MPZL1: variants seen among roughly 807,000 people sequenced by gnomAD.
MPZL1 encodes myelin protein zero-like protein 1.
Under a neutral mutation model 29.3 loss-of-function variants are expected in MPZL1, and 16 were observed. The ratio of observed to expected loss-of-function variants is 0.55; its 90% CI spans 0.37 to 0.83. The LOEUF is 0.83. MPZL1 is among the 40% of genes least tolerant of loss of function. The probability of loss-of-function intolerance (pLI) is 0.00; values close to 1 mark genes in which losing one functional copy is unlikely to be tolerated. For synonymous variants in MPZL1, 143 were observed against 132.0 expected (o/e 1.08, Z -0.57); for missense variants, 279 against 332.9 (o/e 0.84, Z 1.26).
intron 1 of MPZL1, among the ~76,000 whole-genome samples, chr1:167,760,747 CTGTGTGTGTGTGTGTGTGTG>C (rs58963124): frequency 6.7e-5 from 8 of 120,192 alleles, no homozygotes; most frequent in African/African-American, 1.8e-4. Context: ...GTTGAATAGG[CTGTGTGTGTGTGTGTGTGTG>C]TGTGTGTGTG....
chr1:167,725,773 C>T (rs1248358655), intron 1 of MPZL1, among the ~76,000 whole-genome samples: 2 of 152,216 alleles, frequency 1.3e-5, no homozygotes, highest in Non-Finnish European at 2.9e-5. Flanking sequence ...GCGTGAGCCA[C>T]CACATCTGGC....
chr1:167,736,599 A>T (rs1660383410), intron 1 of MPZL1, among the ~76,000 whole-genome samples: 1 of 152,132 alleles, frequency 6.6e-6, no homozygotes, highest in Non-Finnish European at 1.5e-5. Context: ...TCTTCATCCT[A>T]GAATCCTTCC....
chr1:167,728,031 C>T (rs1660186250), intron 1 of MPZL1, among the ~76,000 whole-genome samples: 1 of 111,230 alleles, frequency 9.0e-6, no homozygotes, highest in Non-Finnish European at 2.0e-5. Flanking sequence ...CCACGCCCAA[C>T]TAATTTTTTT....
chr1:167,785,181 A>G (rs552880973), intron 5 of MPZL1, among the ~76,000 whole-genome samples: 7 of 152,316 alleles, frequency 4.6e-5, no homozygotes, highest in Non-Finnish European at 7.4e-5. Flanking sequence ...AGCTCAGCTG[A>G]TCTCTGCTGG....
chr1:167,778,583 A>G (rs1381448442), intron 5 of MPZL1, among the ~76,000 whole-genome samples: 1 of 151,830 alleles, frequency 6.6e-6, no homozygotes, highest in Admixed American at 6.6e-5. Context: ...TAAAAAAATA[A>G]TAATTTAATA....
intron 4 of MPZL1, 103 bp downstream of exon 4, chr1:167,773,471 A>G (rs1026384856): frequency 2.3e-6 from 3 of 1,320,924 alleles, no homozygotes; most frequent in South Asian, 1.6e-5. Context: ...ATTAACTACT[A>G]TTTTCTTTCA....
At chr1:167,780,790 A>G (rs1442569260) in intron 5 of MPZL1, among the ~76,000 whole-genome samples, 1 of 152,194 alleles carries the variant, frequency 6.6e-6, no homozygotes, top group African/African-American at 2.4e-5. Context: ...GGATGAAAAT[A>G]TCGTAGAGAT....
intron 1 of MPZL1, among the ~76,000 whole-genome samples, chr1:167,747,756 T>G (rs1660676022): frequency 6.6e-6 from 1 of 152,146 alleles, no homozygotes; most frequent in African/African-American, 2.4e-5. Context: ...GAAGTTTTAC[T>G]GTGATATAAT....
Position 167,765,620 on chromosome 1 carries a change from A to G in MPZL1, c.129A>G (p.Pro43=). The change falls in exon 2 of 6, where the codon CCA becomes CCG. Residue 43 remains proline, a synonymous_variant. Coordinates refer to ENST00000359523, the MANE Select transcript of MPZL1 (RefSeq NM_003953.6). ...TATCAGCCTTGGAAGTATATACGCC[A>G]AAAGAAATCTTCGTGGCAAATGGTA... ...AGVSALEVYT[P]KEIFVANGTQ... is the part of the protein sequence containing the mutation. 1 of 1,613,116 alleles carries G rather than the reference A, an allele frequency of 6.2e-7. No individual in the cohort carries two copies. The highest frequency in any genetic ancestry group is 8.5e-7 in the Non-Finnish European group (1 of 1,179,530).
chr1:167,781,679 A>C (rs1302576808), intron 5 of MPZL1, among the ~76,000 whole-genome samples: 1 of 152,178 alleles, frequency 6.6e-6, no homozygotes, highest in East Asian at 1.9e-4. Flanking sequence ...AAAGAAGAGC[A>C]AATTAAACCC....
At chr1:167,741,103 A>G (rs1181415206) in intron 1 of MPZL1, among the ~76,000 whole-genome samples, 3 of 152,108 alleles carry the variant, frequency 2.0e-5, no homozygotes, top group Non-Finnish European at 2.9e-5. Context: ...TGCAGCCTTG[A>G]ACTCTTGGGC....
chr1:167,755,821 C>T lies in MPZL1; in HGVS notation c.92-9762C>T, dbSNP rs1660858919. Among the ~76,000 whole-genome samples the T allele has an allele frequency of 2.0e-5, 3 of 152,138 alleles. No individual in the cohort carries two copies. In the South Asian group the frequency reaches 6.2e-4, roughly 31 times the overall value. On this transcript the variant is annotated intron_variant, in intron 1 of 5. Transcript: ENST00000359523. ...TGTTTGTTTATTTGTCTCCACTAGG[C>T]TGTCCAGTACATTTAGAGGCTGAGT...
intron 2 of MPZL1, among the ~76,000 whole-genome samples, chr1:167,770,004 C>T (rs1231387518): frequency 6.6e-6 from 1 of 151,956 alleles, no homozygotes; most frequent in African/African-American, 2.4e-5. Context: ...AGTGAAGACA[C>T]GATACATGAA....
At chr1:167,774,097 A>G (rs1354190041) in intron 4 of MPZL1, among the ~76,000 whole-genome samples, 2 of 152,230 alleles carry the variant, frequency 1.3e-5, no homozygotes, top group Non-Finnish European at 2.9e-5. Context: ...TGATGACAAA[A>G]TATATCAGCA....
chr1:167,734,255 C>CAA (rs35988337), intron 1 of MPZL1, among the ~76,000 whole-genome samples: 37 of 140,836 alleles, frequency 2.6e-4, no homozygotes, highest in Admixed American at 6.5e-4. Context: ...GACTCCATCT[C>CAA]AAAAAAAAAA....
At chr1:167,783,871 A>T (rs1365967102) in intron 5 of MPZL1, among the ~76,000 whole-genome samples, 14 of 152,242 alleles carry the variant, frequency 9.2e-5, no homozygotes, top group Admixed American at 9.2e-4. Context: ...ACTAAAAAAA[A>T]AGGTGTTCTG....
intron 4 of MPZL1, 123 bp from the exon 5 acceptor site, chr1:167,775,941 T>G: frequency 1.8e-6 from 1 of 543,084 alleles, no homozygotes; most frequent in Non-Finnish European, 3.0e-6. Context: ...CATTGTTATG[T>G]TGTCTTTTGT....
At chr1:167,725,293 T>C (rs1276556885) in intron 1 of MPZL1, among the ~76,000 whole-genome samples, 2 of 152,158 alleles carry the variant, frequency 1.3e-5, no homozygotes, top group Non-Finnish European at 2.9e-5. Context: ...CTTCCTCTTT[T>C]TCCCCCTCTG....
intron 1 of MPZL1, among the ~76,000 whole-genome samples, chr1:167,728,177 T>G (rs1660191868): frequency 6.6e-6 from 1 of 151,736 alleles, no homozygotes; most frequent in Non-Finnish European, 1.5e-5. Context: ...GTAGCTGGGA[T>G]TACAGGTGCC....
Sources: allele counts gnomAD v4.1 joint callset (sites outside exome capture counted in the v4.1 genomes callset), GRCh38; gene constraint gnomAD v4.1.1; transcripts MANE v1.5; gene names NCBI Gene and HGNC (gene_info 2026-07-23, HGNC 2026-07-21).